DTWD2: variants seen among roughly 807,000 people sequenced by gnomAD.
The protein encoded by DTWD2 is DTW motif tRNA-uridine aminocarboxypropyltransferase 2, also known as tRNA-uridine aminocarboxypropyltransferase 2.
A neutral mutation model predicts 31.8 loss-of-function variants in DTWD2; 39 were observed. That is an observed-to-expected ratio of 1.22 (90% CI 0.95 to 1.60). The LOEUF (loss-of-function observed/expected upper bound fraction) is 1.60, where lower values mean the gene tolerates loss of function less well. Ranked by LOEUF, DTWD2 falls within the 40% of genes most tolerant of loss-of-function variation. The pLI is 0.00. For synonymous variants in DTWD2, 180 were observed against 142.8 expected, an observed-to-expected ratio of 1.26 and a Z score of -1.86; for missense variants, 515 against 381.5, an observed-to-expected ratio of 1.35 and a Z score of -2.92.
chr5:118,905,538 A>G (rs999403338), intron 4 of DTWD2, among the ~76,000 whole-genome samples: 1 of 152,078 alleles, frequency 6.6e-6, no homozygotes, highest in Non-Finnish European at 1.5e-5. Context: ...GTTCTTACAA[A>G]TGTTATTTGT....
chr5:118,979,262 C>T (rs1310497862), intron 1 of DTWD2, among the ~76,000 whole-genome samples: 2 of 151,804 alleles, frequency 1.3e-5, no homozygotes, highest in Non-Finnish European at 2.9e-5. Context: ...AAAGACTGTG[C>T]CACTGCACTC....
At chr5:118,890,563 T>A (rs922844446) in intron 4 of DTWD2, among the ~76,000 whole-genome samples, 2 of 37,270 alleles carry the variant, frequency 5.4e-5, no homozygotes, top group African/African-American at 5.2e-4. Flanking sequence ...TAGGTTTTCC[T>A]TTTTTTTTTT....
At chr5:118,986,204 A>G (rs1332440761) in intron 1 of DTWD2, among the ~76,000 whole-genome samples, 2 of 152,178 alleles carry the variant, frequency 1.3e-5, no homozygotes, top group African/African-American at 4.8e-5. Flanking sequence ...TGAAAAAAAA[A>G]ATTATATACG....
chr5:118,946,271 G>A (rs760431184), intron 1 of DTWD2, among the ~76,000 whole-genome samples: 7 of 152,114 alleles, frequency 4.6e-5, no homozygotes, highest in Non-Finnish European at 7.3e-5. Flanking sequence ...TGATTGTTCT[G>A]CCCCACACTG....
At chr5:118,868,345 T>C (rs1201502994) in intron 4 of DTWD2, among the ~76,000 whole-genome samples, 1 of 152,058 alleles carries the variant, frequency 6.6e-6, no homozygotes, top group African/African-American at 2.4e-5. Flanking sequence ...TTTACAACAT[T>C]GGACTTGGGA....
intron 1 of DTWD2, among the ~76,000 whole-genome samples, chr5:118,965,525 T>C (rs1034663570): frequency 3.3e-5 from 5 of 152,232 alleles, no homozygotes; most frequent in Admixed American, 3.3e-4. Context: ...AGATTGTTGC[T>C]GTGTCTGTGT....
intron 4 of DTWD2, among the ~76,000 whole-genome samples, chr5:118,926,152 T>C (rs1753803697): frequency 6.6e-6 from 1 of 152,100 alleles, no homozygotes; most frequent in South Asian, 2.1e-4. Flanking sequence ...CCAATCTAAG[T>C]GCCCATCAAC....
chr5:118,848,704 G>T (rs952940453), intron 4 of DTWD2, among the ~76,000 whole-genome samples: 1 of 151,950 alleles, frequency 6.6e-6, no homozygotes, highest in South Asian at 2.1e-4. Context: ...CAGAACAGAG[G>T]CCTCAGAAAT....
chr5:118,858,342 A>T (rs1034769675), intron 4 of DTWD2, among the ~76,000 whole-genome samples: 1 of 152,210 alleles, frequency 6.6e-6, no homozygotes, highest in Non-Finnish European at 1.5e-5. Flanking sequence ...TATAATTTCA[A>T]TAAAAGCTTT....
At chr5:118,906,374 G>C (rs182962355) in intron 4 of DTWD2, among the ~76,000 whole-genome samples, 4 of 152,038 alleles carry the variant, frequency 2.6e-5, no homozygotes, top group Non-Finnish European at 4.4e-5. Context: ...GAAAGCATGC[G>C]TCCACACAAA....
intron 1 of DTWD2, among the ~76,000 whole-genome samples, chr5:118,970,616 T>C (rs1420838594): frequency 6.6e-6 from 1 of 151,888 alleles, no homozygotes. Flanking sequence ...CAAGCCAACA[T>C]TCAAATTCAG....
chr5:118,964,832 C>G (rs1754792991), intron 1 of DTWD2, among the ~76,000 whole-genome samples: 1 of 152,232 alleles, frequency 6.6e-6, no homozygotes, highest in African/African-American at 2.4e-5. Flanking sequence ...TCCCAAAGTG[C>G]CGAGATTGCA....
At chr5:118,869,856 G>A (rs1752463444) in intron 4 of DTWD2, among the ~76,000 whole-genome samples, 1 of 152,188 alleles carries the variant, frequency 6.6e-6, no homozygotes, top group Non-Finnish European at 1.5e-5. Context: ...ATGCTCCAAT[G>A]TTGGAGGTGG....
In DTWD2 at chr5:118,902,605, A is replaced by C. The variant is rs543298913; in HGVS notation, c.597+25932T>G. On this transcript the variant is annotated intron_variant, in intron 4 of 5. Transcript: ENST00000510708. Reference sequence around the variant, plus strand: ...ATATATGTTTTTAAAGTTTCTGATCAATGTAAACAGTAAAAGCATGAAACT... The same window carrying C: ...ATATATGTTTTTAAAGTTTCTGATCCATGTAAACAGTAAAAGCATGAAACT... Among the ~76,000 whole-genome samples, 12 of 152,254 alleles carry C rather than the reference A, an allele frequency of 7.9e-5. No individual in the cohort carries two copies. In the East Asian group the frequency reaches 2.1e-3, roughly 27 times the overall value.
In DTWD2 at chr5:118,871,337, C is replaced by T. The variant is rs571841452; in HGVS notation, c.598-23119G>A. Among the ~76,000 whole-genome samples, 16 of 152,304 alleles carry T rather than the reference C, an allele frequency of 1.1e-4. No homozygotes were observed. In the South Asian group the frequency reaches 1.9e-3, roughly 18 times the overall value. On this transcript the variant is annotated intron_variant, in intron 4 of 5. Coordinates refer to ENST00000510708, the MANE Select transcript of DTWD2 (RefSeq NM_173666.4). Reference sequence around the variant, plus strand: ...CTGTTATTATTTTGACCTCCTCCCACGAATCACAAATGTTCTTAATGACAT... The same window carrying T: ...CTGTTATTATTTTGACCTCCTCCCATGAATCACAAATGTTCTTAATGACAT...
At chr5:118,847,022 T>C (rs1173454692) in intron 5 of DTWD2, among the ~76,000 whole-genome samples, 2 of 151,670 alleles carry the variant, frequency 1.3e-5, no homozygotes, top group African/African-American at 2.4e-5. Flanking sequence ...CTCTGACATA[T>C]TCCACAGCTT....
intron 4 of DTWD2, among the ~76,000 whole-genome samples, chr5:118,859,749 T>C: frequency 6.6e-6 from 1 of 152,202 alleles, no homozygotes; most frequent in Non-Finnish European, 1.5e-5. Context: ...ACTTATTGCT[T>C]TCCTCCCTCA....
intron 4 of DTWD2, among the ~76,000 whole-genome samples, chr5:118,927,585 AT>A (rs1409036457): frequency 2.0e-5 from 3 of 152,126 alleles, no homozygotes; most frequent in Admixed American, 2.0e-4. Context: ...AATTAAAATA[AT>A]TATTTAAGAC....
chr5:118,954,080 A>T (rs1051759451), intron 1 of DTWD2, among the ~76,000 whole-genome samples: 4 of 152,190 alleles, frequency 2.6e-5, no homozygotes, highest in Non-Finnish European at 2.9e-5. Context: ...AGATCAGCCT[A>T]GGAAACATAG....
Sources: gnomAD v4.1 joint callset for allele counts (sites outside exome capture counted in the v4.1 genomes callset) on GRCh38, gnomAD v4.1.1 for gene constraint, MANE v1.5 for transcripts, NCBI Gene and HGNC (gene_info 2026-07-23, HGNC 2026-07-21) for gene names.